The following PODXL variants were observed in gnomAD, a reference collection of about 807,000 sequenced individuals.
PODXL encodes the protein podocalyxin.
Under a neutral mutation model 48.9 loss-of-function variants are expected in PODXL, and 20 were observed. The observed-to-expected ratio is 0.41, with a 90% confidence interval of 0.29 to 0.59. The LOEUF (loss-of-function observed/expected upper bound fraction) is 0.59. PODXL is among the 20% of genes least tolerant of loss of function. The pLI is 0.31. For missense variants in PODXL, 606 were observed against 675.1 expected, an observed-to-expected ratio of 0.90 and a Z score of 1.13; for synonymous variants, 295 against 287.4, an observed-to-expected ratio of 1.03 and a Z score of -0.27.
chr7:131,510,700 G>A (rs1753035824), intron 2 of PODXL, 128 bp downstream of exon 2: 1 of 1,058,708 alleles, frequency 9.4e-7, no homozygotes, highest in Non-Finnish European at 1.4e-6. Flanking sequence ...TCGAACTCCT[G>A]ACCTCAGGTG....
intron 1 of PODXL, among the ~76,000 whole-genome samples, chr7:131,549,133 G>A (rs535353259): frequency 1.1e-4 from 17 of 152,260 alleles, no homozygotes; most frequent in African/African-American, 3.4e-4. Flanking sequence ...AAATAAAGGC[G>A]AGTAGGAGGA....
In PODXL at chr7:131,556,520, C is replaced by G. The variant is rs1436867511; in HGVS notation, c.-161G>C. 1 of 830,080 alleles carries G rather than the reference C, an allele frequency of 1.2e-6. No homozygotes were observed. Among genetic ancestry groups the G allele is most frequent in the African/African-American group, 1.8e-5 (1 of 56,102 alleles). 51.4% of individuals were successfully genotyped at this position (830,080 alleles called of 1,614,324 possible). A position where few individuals can be genotyped will look rare whatever the true frequency, so the allele number is the denominator to read the frequency against. ...CCCGAGTCGCGCTGCGGCGGCTCTT[C>G]CTCCCTGCCGCTGCAGCAGAGCCGG... On this transcript the variant is annotated 5_prime_UTR_variant, in exon 1 of 9. Coordinates refer to ENST00000378555, the MANE Select transcript of PODXL (RefSeq NM_001018111.3).
At position 131,505,886 on chromosome 7, in the gene PODXL, G is replaced by T. The variant is rs760510403; in HGVS notation, c.1461C>A (p.Leu487=). The part of the protein sequence containing the change: ...AALYGCCHQR[L]SQRKDQQRLT... Reference sequence around the variant, plus strand: ...TGCTTACCTGGTCCTTCCTCTGGGAGAGGCGCTGGTGGCAGCAGCCATAGA... The same window carrying T: ...TGCTTACCTGGTCCTTCCTCTGGGATAGGCGCTGGTGGCAGCAGCCATAGA... Residue 487 remains leucine, a synonymous_variant, in exon 8 of 9, where the codon CTC becomes CTA. Transcript: ENST00000378555. The T allele has an allele frequency of 3.8e-6, 6 of 1,567,502 alleles. No individual in the cohort carries two copies. The highest frequency in any genetic ancestry group is 5.2e-6 in the Non-Finnish European group (6 of 1,156,132).
chr7:131,526,173 G>C (rs1798182190), intron 1 of PODXL, among the ~76,000 whole-genome samples: 1 of 151,198 alleles, frequency 6.6e-6, no homozygotes, highest in South Asian at 2.1e-4. Flanking sequence ...GATAAGCCTG[G>C]AACATCTTGT....
intron 1 of PODXL, among the ~76,000 whole-genome samples, chr7:131,523,542 C>G (rs1221300708): frequency 2.6e-5 from 4 of 151,542 alleles, no homozygotes; most frequent in South Asian, 2.1e-4. Context: ...ATTAGCCGGG[C>G]TTGGTGGCGG....
intron 1 of PODXL, among the ~76,000 whole-genome samples, chr7:131,552,761 C>T (rs1798688107): frequency 6.6e-6 from 1 of 152,134 alleles, no homozygotes. Flanking sequence ...CTGGGAACAC[C>T]CACATTCCCC....
chr7:131,539,335 A>G (rs974282074), intron 1 of PODXL, among the ~76,000 whole-genome samples: 1 of 152,074 alleles, frequency 6.6e-6, no homozygotes, highest in Non-Finnish European at 1.5e-5. Flanking sequence ...TAGAATGTAT[A>G]AGCTCTTTTT....
intron 8 of PODXL, among the ~76,000 whole-genome samples, chr7:131,504,959 G>A (rs573648998): frequency 1.3e-5 from 2 of 152,212 alleles, no homozygotes; most frequent in Non-Finnish European, 2.9e-5. Context: ...GCAGACAGCA[G>A]CCATCTGGCA....
At chr7:131,553,093 G>A (rs1798692379) in intron 1 of PODXL, among the ~76,000 whole-genome samples, 1 of 152,016 alleles carries the variant, frequency 6.6e-6, no homozygotes, top group South Asian at 2.1e-4. Flanking sequence ...TGCCACCGTG[G>A]AATTTTCTCT....
chr7:131,535,020 C>G (rs1798347385), intron 1 of PODXL, among the ~76,000 whole-genome samples: 2 of 151,988 alleles, frequency 1.3e-5, no homozygotes, highest in African/African-American at 4.8e-5. Context: ...CCACTGCACT[C>G]CAGCCGGGGT....
chr7:131,521,715 T>C (rs1007816321), intron 1 of PODXL, among the ~76,000 whole-genome samples: 1 of 152,120 alleles, frequency 6.6e-6, no homozygotes, highest in African/African-American at 2.4e-5. Context: ...GCTGTAGGCA[T>C]TGTAAGGTCC....
chr7:131,531,415 C>T (rs935833845), intron 1 of PODXL, among the ~76,000 whole-genome samples: 1 of 152,184 alleles, frequency 6.6e-6, no homozygotes, highest in Non-Finnish European at 1.5e-5. Flanking sequence ...GGAAGGCCAT[C>T]GAGGAACTGA....
At chr7:131,527,142 T>C (rs1798200819) in intron 1 of PODXL, among the ~76,000 whole-genome samples, 1 of 152,144 alleles carries the variant, frequency 6.6e-6, no homozygotes, top group African/African-American at 2.4e-5. Flanking sequence ...ATTGGCCCCA[T>C]ACAGGTAGCA....
rs745823116 is a variant in PODXL at position 131,504,344 on chromosome 7, G to A, written c.1644C>T (p.Asp548=). Residue 548 remains aspartate, a synonymous_variant, in exon 9 of 9, where the codon GAC becomes GAT. Coordinates refer to ENST00000378555, the MANE Select transcript of PODXL (RefSeq NM_001018111.3). ...GTGTGTCTTCCTCCTCATCCAGGTC[G>A]TCCTTGGTCAGGTTGTCCAGAGGGA... ...WIVPLDNLTK[D]DLDEEEDTHL 15 of 1,614,058 alleles carry A rather than the reference G, an allele frequency of 9.3e-6. No individual in the cohort carries two copies. Among genetic ancestry groups the A allele is most frequent in the Admixed American group, 3.3e-5 (2 of 59,998 alleles).
At chr7:131,512,403 TC>T (rs1192199255) in intron 1 of PODXL, among the ~76,000 whole-genome samples, 2 of 151,936 alleles carry the variant, frequency 1.3e-5, no homozygotes, top group Non-Finnish European at 2.9e-5. Flanking sequence ...AGGGACCATG[TC>T]GAATGAGGGA....
intron 2 of PODXL, among the ~76,000 whole-genome samples, chr7:131,510,622 C>A (rs1562904317): frequency 6.6e-6 from 1 of 152,098 alleles, no homozygotes; most frequent in Non-Finnish European, 1.5e-5. Context: ...CAGGCGCCTG[C>A]CACCATACCC....
At position 131,505,888 on chromosome 7, in the gene PODXL, G is replaced by A; in HGVS notation, c.1459C>T (p.Leu487Phe). 1 of 1,568,032 alleles carries A rather than the reference G, an allele frequency of 6.4e-7. No homozygotes were observed. The highest frequency in any genetic ancestry group is 8.6e-7 in the Non-Finnish European group (1 of 1,156,408). ...AALYGCCHQRLSQRKDQQRLT... is the reference protein window; with the variant it reads ...AALYGCCHQRFSQRKDQQRLT... ...CTTACCTGGTCCTTCCTCTGGGAGA[G>A]GCGCTGGTGGCAGCAGCCATAGAGG... is the stretch of plus-strand genomic sequence containing the variant. Residue 487 changes from leucine to phenylalanine, a missense_variant, in exon 8 of 9, where the codon CTC becomes TTC. Leu to Phe is a conservative substitution (Grantham distance 22). Transcript: ENST00000378555.
intron 1 of PODXL, among the ~76,000 whole-genome samples, chr7:131,518,978 G>GGCCT (rs1226173538): frequency 6.6e-6 from 1 of 152,278 alleles, no homozygotes; most frequent in Admixed American, 6.5e-5. Flanking sequence ...TCCCTCCACA[G>GGCCT]GCCTGCCTAA....
intron 1 of PODXL, among the ~76,000 whole-genome samples, chr7:131,522,248 C>T (rs62468110): frequency 0.011 from 1,640 of 152,222 alleles, 9 homozygotes; most frequent in Non-Finnish European, 0.017. Context: ...GTCAGGTGTT[C>T]GAGACCAGCC....
Sources: gnomAD v4.1 joint callset for allele counts (sites outside exome capture counted in the v4.1 genomes callset) on GRCh38, gnomAD v4.1.1 for gene constraint, MANE v1.5 for transcripts, NCBI Gene and HGNC (gene_info 2026-07-23, HGNC 2026-07-21) for gene names.